CPA6: variants seen among roughly 807,000 people sequenced by gnomAD.
CPA6 encodes carboxypeptidase A6, also known as carboxypeptidase B.
In CPA6, 58 loss-of-function variants were observed where a neutral mutation model predicts 63.3. That is an observed-to-expected ratio of 0.92 (90% confidence interval 0.74 to 1.14). CPA6 has a LOEUF of 1.14. CPA6 is among the 50% of genes most tolerant of loss of function. The pLI, the probability that CPA6 is intolerant of heterozygous loss-of-function variation, is 0.00. For missense variants in CPA6, 565 were observed against 526.6 expected, an observed-to-expected ratio of 1.07 and a Z score of -0.71; for synonymous variants, 185 against 179.0, an observed-to-expected ratio of 1.03 and a Z score of -0.27.
intron 1 of CPA6, among the ~76,000 whole-genome samples, chr8:67,651,530 T>G (rs1815837575): frequency 6.6e-6 from 1 of 152,130 alleles, no homozygotes; most frequent in African/African-American, 2.4e-5. Flanking sequence ...TTCATGATTT[T>G]TTGTTTTCCT....
intron 2 of CPA6, among the ~76,000 whole-genome samples, chr8:67,575,531 A>G (rs960319703): frequency 6.6e-6 from 1 of 152,218 alleles, no homozygotes; most frequent in Non-Finnish European, 1.5e-5. Flanking sequence ...TATATACACA[A>G]TGGAATACTA....
intron 1 of CPA6, among the ~76,000 whole-genome samples, chr8:67,643,763 T>C (rs1185520073): frequency 6.6e-6 from 1 of 152,214 alleles, no homozygotes; most frequent in Non-Finnish European, 1.5e-5. Context: ...TGTACTTATT[T>C]ACATATGAAA....
At chr8:67,710,971 A>T (rs1817248016) in intron 1 of CPA6, among the ~76,000 whole-genome samples, 2 of 152,220 alleles carry the variant, frequency 1.3e-5, no homozygotes, top group African/African-American at 4.8e-5. Flanking sequence ...TGCTCTCCAT[A>T]GTATATACTT....
At chr8:67,494,581 G>T (rs1207893771) in intron 6 of CPA6, among the ~76,000 whole-genome samples, 2 of 152,092 alleles carry the variant, frequency 1.3e-5, no homozygotes, top group Non-Finnish European at 2.9e-5. Context: ...TCAGTTGGAG[G>T]TTATTCTGAA....
In CPA6 at chr8:67,422,565, C is replaced by T; in HGVS notation, c.1253G>A (p.Cys418Tyr). Residue 418 changes from cysteine (C) to tyrosine (Y), a missense_variant, in exon 11 of 11, where the codon TGT becomes TAT. Physicochemically the swap from Cys to Tyr is radical, Grantham distance 194 (BLOSUM62 -2). Coordinates refer to ENST00000297770, the MANE Select transcript of CPA6 (RefSeq NM_020361.5). ...LLPEMLIKPT[C>Y]TETMLAVKNI... ...TTTCACAGCCAGCATAGTTTCTGTA[C>T]AGGTGGGTTTGATGAGCATCTCTGG... 1 of 1,614,146 alleles carries T rather than the reference C, an allele frequency of 6.2e-7. No homozygotes were observed. Among genetic ancestry groups the T allele is most frequent in the Non-Finnish European group, 8.5e-7 (1 of 1,180,002 alleles).
chr8:67,594,706 C>T (rs1267351414), intron 2 of CPA6, among the ~76,000 whole-genome samples: 2 of 152,140 alleles, frequency 1.3e-5, no homozygotes, highest in Non-Finnish European at 2.9e-5. Context: ...TCATGTAGTT[C>T]TCGAGCCTTG....
chr8:67,491,261 A>G (rs1407610972), intron 6 of CPA6, among the ~76,000 whole-genome samples: 1 of 143,206 alleles, frequency 7.0e-6, no homozygotes, highest in Non-Finnish European at 1.5e-5. Context: ...AGCTTAATCT[A>G]TAAAGATAGC....
intron 2 of CPA6, among the ~76,000 whole-genome samples, chr8:67,547,981 T>C (rs1027884654): frequency 7.2e-5 from 11 of 152,254 alleles, no homozygotes; most frequent in African/African-American, 2.7e-4. Flanking sequence ...CCTTGTATTA[T>C]ATATTCTATG....
chr8:67,582,677 G>A (rs1027360285), intron 2 of CPA6, among the ~76,000 whole-genome samples: 2 of 152,148 alleles, frequency 1.3e-5, no homozygotes, highest in African/African-American at 2.4e-5. Flanking sequence ...ATTTTTGTTA[G>A]CAGGTGTGTT....
chr8:67,610,983 G>A (rs1464620932), intron 2 of CPA6, among the ~76,000 whole-genome samples: 1 of 151,964 alleles, frequency 6.6e-6, no homozygotes, highest in Non-Finnish European at 1.5e-5. Context: ...TTTAGCACAT[G>A]GTAGTATATA....
intron 2 of CPA6, among the ~76,000 whole-genome samples, chr8:67,618,770 A>G (rs1375959654): frequency 3.3e-5 from 5 of 152,212 alleles, no homozygotes; most frequent in Non-Finnish European, 5.9e-5. Flanking sequence ...GATCCTACAT[A>G]AAACCATTTC....
intron 6 of CPA6, among the ~76,000 whole-genome samples, chr8:67,489,138 G>A (rs1171293246): frequency 6.6e-6 from 1 of 151,778 alleles, no homozygotes; most frequent in East Asian, 1.9e-4. Flanking sequence ...TAGAGACAGG[G>A]TCTCCCTATG....
intron 2 of CPA6, among the ~76,000 whole-genome samples, chr8:67,568,080 A>T (rs1813386220): frequency 6.6e-6 from 1 of 152,186 alleles, no homozygotes; most frequent in Non-Finnish European, 1.5e-5. Flanking sequence ...ATAACCTGAA[A>T]GCAAACTCTG....
At chr8:67,588,119 G>A (rs1228483975) in intron 2 of CPA6, among the ~76,000 whole-genome samples, 1 of 152,206 alleles carries the variant, frequency 6.6e-6, no homozygotes, top group Non-Finnish European at 1.5e-5. Flanking sequence ...TGATAACTGG[G>A]TAGTTGGTGT....
At chr8:67,520,668 G>A (rs1276391810) in intron 2 of CPA6, among the ~76,000 whole-genome samples, 2 of 152,114 alleles carry the variant, frequency 1.3e-5, no homozygotes, top group Non-Finnish European at 2.9e-5. Flanking sequence ...ATAACACTTT[G>A]AGGAGGAATT....
At chr8:67,517,753 C>A (rs1271693108) in intron 3 of CPA6, among the ~76,000 whole-genome samples, 170 bp downstream of exon 3, 2 of 152,174 alleles carry the variant, frequency 1.3e-5, no homozygotes, top group Admixed American at 1.3e-4. Flanking sequence ...TCCCATCCCC[C>A]ATTGGACTAA....
intron 1 of CPA6, among the ~76,000 whole-genome samples, chr8:67,715,349 G>A (rs919804008): frequency 4.6e-5 from 7 of 152,192 alleles, no homozygotes; most frequent in Non-Finnish European, 8.8e-5. Flanking sequence ...TTGCTAGATG[G>A]CTCATGCCAC....
intron 2 of CPA6, among the ~76,000 whole-genome samples, chr8:67,582,527 T>C (rs973354727): frequency 3.9e-5 from 6 of 152,048 alleles, no homozygotes; most frequent in Non-Finnish European, 8.8e-5. Context: ...GCAGTTGAGG[T>C]GTCTGATGTG....
In CPA6 at chr8:67,501,736, T is replaced by C. The variant is rs187465427; in HGVS notation, c.636+5051A>G. ...TTCTTTTTCATGTGCTGCCTCTAGT[T>C]TTGGTATCAGGCTTCATAAAAAGAA... On this transcript the variant is annotated intron_variant, in intron 6 of 10. Coordinates refer to ENST00000297770, the MANE Select transcript of CPA6 (RefSeq NM_020361.5). Among the ~76,000 whole-genome samples the C allele has an allele frequency of 1.1e-4, 16 of 152,278 alleles. No individual in the cohort carries two copies. The East Asian group carries it at 3.1e-3, about 29-fold the overall frequency.
Sources: allele counts gnomAD v4.1 joint callset (sites outside exome capture counted in the v4.1 genomes callset), GRCh38; gene constraint gnomAD v4.1.1; transcripts MANE v1.5; gene names NCBI Gene and HGNC (gene_info 2026-07-23, HGNC 2026-07-21).